The following RAD51AP2 variants were observed in gnomAD, a reference collection of about 807,000 sequenced individuals.
RAD51AP2 encodes RAD51 associated protein 2.
In RAD51AP2, 67 loss-of-function variants were observed where a neutral mutation model predicts 85.5. The ratio of observed to expected loss-of-function variants is 0.78; its 90% confidence interval spans 0.64 to 0.96. The LOEUF (loss-of-function observed/expected upper bound fraction) is 0.96. Ranked by LOEUF, RAD51AP2 falls within the 40% of genes least tolerant of loss-of-function variation. The pLI is 0.00. For missense variants in RAD51AP2, 1,307 were observed against 1,332.4 expected, an observed-to-expected ratio of 0.98 and a Z score of 0.30; for synonymous variants, 474 against 446.5, an observed-to-expected ratio of 1.06 and a Z score of -0.78.
intron 2 of RAD51AP2, 69 bp downstream of exon 2, chr2:17,513,943 C>T (rs1662570807): frequency 2.4e-6 from 2 of 833,166 alleles, no homozygotes; most frequent in African/African-American, 1.7e-5. Context: ...CTATACTTTC[C>T]TCATACTAAA....
chr2:17,533,597 G>A, the RAD51AP2 span, among the ~76,000 whole-genome samples: 8 of 151,912 alleles, frequency 5.3e-5, no homozygotes, highest in South Asian at 2.1e-4. Context: ...TAGTCCCTCC[G>A]TGATTTAAAC....
upstream of RAD51AP2, chr2:17,518,552 C>G (rs975584296): frequency 9.3e-7 from 1 of 1,073,906 alleles, no homozygotes; most frequent in Non-Finnish European, 1.3e-6. Context: ...TTTGCCCCAC[C>G]CCGAATCCGC....
At position 17,518,198 on chromosome 2, in the gene RAD51AP2, C is replaced by T; in HGVS notation, c.218G>A (p.Gly73Glu). The change falls in exon 1 of 3, where the codon GGA (glycine) becomes GAA (glutamate). Residue 73 changes from glycine to glutamate, a missense_variant. Coordinates refer to ENST00000399080, the MANE Select transcript of RAD51AP2 (RefSeq NM_001099218.3). The part of the protein sequence containing the change: ...VWELSPRPFK[G>E]LLVSTNAIFD... ...AATAGCATTCGTTGAAACAAGGAGT[C>T]CCTTGAAGGGTCTAGGGGACAACTC... 2 of 1,614,158 alleles carry T rather than the reference C, an allele frequency of 1.2e-6. No individual in the cohort carries two copies. The highest frequency in any genetic ancestry group is 1.7e-6 in the Non-Finnish European group (2 of 1,180,024).
upstream of RAD51AP2, among the ~76,000 whole-genome samples, chr2:17,520,755 C>CTTTTT (rs35395483): frequency 3.0e-5 from 4 of 133,490 alleles, no homozygotes; most frequent in African/African-American, 1.0e-4. Flanking sequence ...CTTTCAGCTT[C>CTTTTT]TTTTTTTTTT....
chr2:17,512,872 T>C (rs183441662), intron 2 of RAD51AP2, among the ~76,000 whole-genome samples: 283 of 152,318 alleles, frequency 1.9e-3, no homozygotes, highest in Non-Finnish European at 3.2e-3. Context: ...ACTATTTCAT[T>C]GTAAGCTAAG....
At position 17,517,761 on chromosome 2, in the gene RAD51AP2, G is replaced by A. The variant is rs761354469; in HGVS notation, c.655C>T (p.Pro219Ser). Residue 219 changes from proline (P) to serine (S), a missense_variant, in exon 1 of 3, where the codon CCA becomes TCA. This residue lies in a region of RAD51AP2 where 635 missense variants were observed against 643.6 expected (regional missense o/e 0.99). Coordinates refer to ENST00000399080, the MANE Select transcript of RAD51AP2 (RefSeq NM_001099218.3). The stretch of plus-strand genomic sequence containing the variant: ...ATGTTATTTTCTCTTTTATTTGATG[G>A]CACAACACTGTTAGCTTTACATCTG... ...KNRCKANSVV[P>S]SNKRENNISS... 1.2e-6 allele frequency: 2 copies of A among 1,613,624 alleles called. No individual in the cohort carries two copies. The highest frequency in any genetic ancestry group is 4.5e-5 in the East Asian group (2 of 44,876).
rs1382219729 is a variant in RAD51AP2, at chr2:17,515,342, A to G, written c.3074T>C (p.Ile1025Thr). Residue 1025 changes from isoleucine (I) to threonine (T), a missense_variant, in exon 1 of 3, where the codon ATA (isoleucine) becomes ACA (threonine). This residue lies in a region of RAD51AP2 where 668 missense variants were observed against 671.0 expected (regional missense o/e 1.00). Transcript: ENST00000399080. ...ATCATGGAACGAGGAAGATGCACGT[A>G]TTTTGTTGACCACAACCATTTTCAA... ...KDLKMVVVNK[I>T]RASSSFHDTI... The G allele has an allele frequency of 6.2e-6, 10 of 1,612,406 alleles. No individual in the cohort carries two copies. Among genetic ancestry groups the G allele is most frequent in the African/African-American group, 1.3e-5 (1 of 74,880 alleles).
rs74528207 is a variant in RAD51AP2, at chr2:17,513,604, G to T, written c.3328+408C>A. ...AAAATCATGTTGACATGACTAAATG[G>T]CAAATATTTTTTATTCACATAATAA... On this transcript the variant is annotated intron_variant, in intron 2 of 2. Coordinates refer to ENST00000399080, the MANE Select transcript of RAD51AP2 (RefSeq NM_001099218.3). 2.3e-3 allele frequency among the ~76,000 whole-genome samples: 353 copies of T among 152,032 alleles called. 1 individual carries two copies. The highest frequency in any genetic ancestry group is 8.4e-3 in the African/African-American group (347 of 41,442).
In RAD51AP2 at chr2:17,516,308, A is replaced by T; in HGVS notation, c.2108T>A (p.Ile703Lys). The T allele has an allele frequency of 6.2e-7, 1 of 1,605,180 alleles. No homozygotes were observed. Among genetic ancestry groups the T allele is most frequent in the South Asian group, 1.1e-5 (1 of 88,304 alleles). The change falls in exon 1 of 3, where the codon ATA (isoleucine) becomes AAA (lysine). Residue 703 changes from isoleucine to lysine, a missense_variant. By Grantham distance (102) the Ile-to-Lys change is moderately radical. Around this residue, in one of 3 missense-constraint regions of RAD51AP2, gnomAD observed 668 missense variants for 671.0 expected, o/e 1.00. Coordinates refer to ENST00000399080, the MANE Select transcript of RAD51AP2 (RefSeq NM_001099218.3). ...CATATTCTGACAAGTAATTTCTCTT[A>T]TTAAAGAAATTTCATCCATGTCATC... ...DFDDMDEISL[I>K]REITCQNMSC...
chr2:17,531,941 T>G, the RAD51AP2 span, among the ~76,000 whole-genome samples: 1 of 152,156 alleles, frequency 6.6e-6, no homozygotes, highest in Non-Finnish European at 1.5e-5. Context: ...TGAAGGGAAC[T>G]TAAGTAATTT....
At chr2:17,518,565 C>T, upstream of RAD51AP2, 1 of 924,854 alleles carries the variant, frequency 1.1e-6, no homozygotes, top group Middle Eastern at 3.5e-4. Flanking sequence ...GAATCCGCCC[C>T]TCCACAGCCC....
rs77086923 is a variant in RAD51AP2, at chr2:17,513,708, T to C, written c.3328+304A>G. ...CAGAGAGCATGGTCCCTATTACACA[T>C]CTCTATTAGATGTGTAAACTAGGCA... On this transcript the variant is annotated intron_variant, in intron 2 of 2. Coordinates refer to ENST00000399080, the MANE Select transcript of RAD51AP2 (RefSeq NM_001099218.3). Among the ~76,000 whole-genome samples, 418 of 152,280 alleles carry C rather than the reference T, an allele frequency of 2.7e-3. 3 individuals carry two copies. The highest frequency in any genetic ancestry group is 8.0e-3 in the African/African-American group (331 of 41,560).
intron 1 of RAD51AP2, among the ~76,000 whole-genome samples, chr2:17,514,877 A>G (rs1199565337): frequency 6.6e-6 from 1 of 151,968 alleles, no homozygotes; most frequent in African/African-American, 2.4e-5. Flanking sequence ...GGTAAATGCT[A>G]TTGTGGAATT....
At position 17,517,841 on chromosome 2, in the gene RAD51AP2, A is replaced by C. The variant is rs1662740384; in HGVS notation, c.575T>G (p.Phe192Cys). ...GRDNVHKENPFLDVTFYKETK... is the reference protein window; with the variant it reads ...GRDNVHKENPCLDVTFYKETK... ...TTCCTTGTAAAAGGTAACATCTAAA[A>C]ATGGATTTTCTTTGTGAACATTGTC... The change falls in exon 1 of 3, where the codon TTT becomes TGT. Residue 192 changes from phenylalanine (F) to cysteine (C), a missense_variant. Physicochemically the swap from Phe to Cys is radical, Grantham distance 205. Coordinates refer to ENST00000399080, the MANE Select transcript of RAD51AP2 (RefSeq NM_001099218.3). The C allele has an allele frequency of 1.9e-6, 3 of 1,614,170 alleles. No homozygotes were observed. The East Asian group carries it at 6.7e-5, about 36-fold the overall frequency.
chr2:17,521,849 A>G (rs959945025), upstream of RAD51AP2, among the ~76,000 whole-genome samples: 2 of 151,972 alleles, frequency 1.3e-5, no homozygotes, highest in South Asian at 2.1e-4. Flanking sequence ...AAACTCTTAT[A>G]TTATCCTTAA....
chr2:17,534,702 T>C, the RAD51AP2 span, among the ~76,000 whole-genome samples: 4 of 152,182 alleles, frequency 2.6e-5, no homozygotes, highest in Non-Finnish European at 4.4e-5. Flanking sequence ...AAACAGAAGA[T>C]ACTTTAATAT....
Position 17,517,648 on chromosome 2 carries a change from T to C in RAD51AP2, c.768A>G (p.Thr256=), listed in dbSNP as rs1190125840. The change falls in exon 1 of 3, where the codon ACA becomes ACG. Residue 256 remains threonine (T), a synonymous_variant. Coordinates refer to ENST00000399080, the MANE Select transcript of RAD51AP2 (RefSeq NM_001099218.3). ...AKPSYFRDSG[T]ISVPQFPMDL... ...CCATTGGAAACTGAGGGACACTTAT[T>C]GTGCCGCTATCTCTAAAATAGCTAG... 1.2e-6 allele frequency: 2 copies of C among 1,614,120 alleles called. No homozygotes were observed. Among genetic ancestry groups the C allele is most frequent in the Admixed American group, 1.7e-5 (1 of 60,012 alleles).
intron 1 of RAD51AP2, among the ~76,000 whole-genome samples, chr2:17,514,316 C>T (rs1662581158): frequency 6.6e-6 from 1 of 152,138 alleles, no homozygotes; most frequent in Non-Finnish European, 1.5e-5. Context: ...ATAGTGTGCA[C>T]CCAGCTAGCA....
rs766789622 is a variant in RAD51AP2, at chr2:17,515,597, T to C, written c.2819A>G (p.Asp940Gly). The C allele has an allele frequency of 9.9e-6, 16 of 1,610,420 alleles. No homozygotes were observed. The highest frequency in any genetic ancestry group is 3.3e-4 in the Middle Eastern group (2 of 6,066). The change falls in exon 1 of 3, where the codon GAT (aspartate) becomes GGT (glycine). Residue 940 changes from aspartate (D) to glycine (G), a missense_variant. This residue lies in a region of RAD51AP2 where 668 missense variants were observed against 671.0 expected (regional missense o/e 1.00). Coordinates refer to ENST00000399080, the MANE Select transcript of RAD51AP2 (RefSeq NM_001099218.3). ...QFETGLSEGN[D>G]ECFQDLAAKY... ...AGCAGCTAAGTCCTGAAAACATTCATCATTCCCTTCACTCAGACCAGTTTC... is the reference window on the plus strand; with the variant it reads ...AGCAGCTAAGTCCTGAAAACATTCACCATTCCCTTCACTCAGACCAGTTTC...
Sources: gnomAD v4.1 joint callset for allele counts (sites outside exome capture counted in the v4.1 genomes callset) on GRCh38, gnomAD v4.1.1 for gene constraint, gnomAD v4.1.1 regional missense constraint, MANE v1.5 for transcripts, NCBI Gene and HGNC (gene_info 2026-07-23, HGNC 2026-07-21) for gene names.